The following PARD3 variants were observed in gnomAD, a reference collection of about 807,000 sequenced individuals.
PARD3 encodes the protein partitioning defective 3 homolog.
A neutral mutation model predicts 155.4 loss-of-function variants in PARD3; 75 were observed. That is an observed-to-expected ratio of 0.48 (90% CI 0.40 to 0.58). The LOEUF (loss-of-function observed/expected upper bound fraction) is 0.58, where lower values mean the gene tolerates loss of function less well. Ranked by LOEUF, PARD3 falls within the 20% of genes least tolerant of loss-of-function variation. The pLI, the probability that PARD3 is intolerant of heterozygous loss-of-function variation, is 0.00. For synonymous variants in PARD3, 576 were observed against 610.5 expected (o/e 0.94, Z 0.83); for missense variants, 1,642 against 1,721.7 (o/e 0.95, Z 0.82).
At chr10:34,757,138 T>C (rs1387550526) in intron 1 of PARD3, among the ~76,000 whole-genome samples, 1 of 152,228 alleles carries the variant, frequency 6.6e-6, no homozygotes, top group Non-Finnish European at 1.5e-5. Context: ...TTTCTTTACT[T>C]AGAGCCTTCA....
intron 14 of PARD3, among the ~76,000 whole-genome samples, chr10:34,356,528 T>C (rs1411757541): frequency 6.6e-6 from 1 of 152,236 alleles, no homozygotes; most frequent in African/African-American, 2.4e-5. Context: ...AAAGATGAGA[T>C]AGCAAAATAC....
intron 22 of PARD3, among the ~76,000 whole-genome samples, chr10:34,229,350 G>A (rs983926229): frequency 9.2e-5 from 14 of 152,146 alleles, no homozygotes; most frequent in African/African-American, 3.4e-4. Flanking sequence ...TCCTGAGTAA[G>A]CTGGGACTAC....
chr10:34,654,488 T>G (rs1246177800), intron 2 of PARD3, among the ~76,000 whole-genome samples: 1 of 152,228 alleles, frequency 6.6e-6, no homozygotes, highest in Non-Finnish European at 1.5e-5. Context: ...CCTGCCTTTC[T>G]ATGGAAAAAT....
intron 7 of PARD3, among the ~76,000 whole-genome samples, chr10:34,396,302 A>G (rs1375587219): frequency 2.0e-5 from 3 of 152,102 alleles, no homozygotes; most frequent in Non-Finnish European, 4.4e-5. Context: ...GTGAGCCAGG[A>G]TCTCCAGCCT....
chr10:34,196,225 C>T lies in PARD3; in HGVS notation c.3420-64642G>A, dbSNP rs150368252. On this transcript the variant is annotated intron_variant, in intron 22 of 24. Coordinates refer to ENST00000374788, the MANE Select transcript of PARD3 (RefSeq NM_001184785.2). ...TGTATTCCTGTGCTCTGCAGGGTTA[C>T]GTGGCGTACAATGACCACATCTCCA... Among the ~76,000 whole-genome samples, 411 of 152,232 alleles carry T rather than the reference C, an allele frequency of 2.7e-3. 1 individual carries two copies. Among genetic ancestry groups the T allele is most frequent in the African/African-American group, 9.0e-3 (375 of 41,536 alleles).
chr10:34,408,552 C>G (rs1281963011), intron 5 of PARD3, among the ~76,000 whole-genome samples: 1 of 152,056 alleles, frequency 6.6e-6, no homozygotes, highest in Non-Finnish European at 1.5e-5. Context: ...CTAGGTATCA[C>G]AAATAGGATT....
At chr10:34,769,548 G>GAGTCCGA (rs1350984500) in intron 1 of PARD3, among the ~76,000 whole-genome samples, 1 of 151,772 alleles carries the variant, frequency 6.6e-6, no homozygotes, top group Non-Finnish European at 1.5e-5. Context: ...TTGAGTCCAG[G>GAGTCCGA]AGTCCGACAC....
chr10:34,472,841 T>C (rs554842529), intron 3 of PARD3, among the ~76,000 whole-genome samples: 2 of 152,348 alleles, frequency 1.3e-5, no homozygotes, highest in Non-Finnish European at 2.9e-5. Flanking sequence ...TACTTGTGTT[T>C]GAAATTTTCC....
At chr10:34,253,548 G>C (rs1054011391) in intron 22 of PARD3, among the ~76,000 whole-genome samples, 1 of 152,194 alleles carries the variant, frequency 6.6e-6, no homozygotes, top group Admixed American at 6.5e-5. Flanking sequence ...AGGGTCTGCA[G>C]CATCTCTTCA....
chr10:34,272,618 C>A (rs548391098), intron 21 of PARD3, among the ~76,000 whole-genome samples: 9 of 152,130 alleles, frequency 5.9e-5, no homozygotes, highest in Admixed American at 5.9e-4. Context: ...TAATCCCAGC[C>A]ACCCAGCTGA....
chr10:34,341,778 C>T lies in PARD3; in HGVS notation c.2257G>A (p.Asp753Asn). The part of the protein sequence containing the change: ...QLSPTVNMPQ[D>N]DTVIIEDDRL... ...TCATCTTCTATAATGACAGTGTCATCTTGGGGCATATTCACTGTAGGGGAC... is the reference window on the plus strand; with the variant it reads ...TCATCTTCTATAATGACAGTGTCATTTTGGGGCATATTCACTGTAGGGGAC... Residue 753 changes from aspartate (D) to asparagine (N), a missense_variant, in exon 16 of 25, where the codon GAT becomes AAT. Transcript: ENST00000374788. 1 of 1,613,484 alleles carries T rather than the reference C, an allele frequency of 6.2e-7. No individual in the cohort carries two copies. The highest frequency in any genetic ancestry group is 1.1e-5 in the South Asian group (1 of 91,054).
At chr10:34,365,781 T>C (rs1839910537) in intron 12 of PARD3, among the ~76,000 whole-genome samples, 1 of 152,092 alleles carries the variant, frequency 6.6e-6, no homozygotes, top group Non-Finnish European at 1.5e-5. Context: ...AGAGACAGGG[T>C]TTCGCCATGT....
intron 1 of PARD3, among the ~76,000 whole-genome samples, chr10:34,747,434 TC>T (rs1835454862): frequency 6.6e-6 from 1 of 152,172 alleles, no homozygotes; most frequent in South Asian, 2.1e-4. Flanking sequence ...TTCTAAATGT[TC>T]AAAACATATT....
chr10:34,560,097 T>G (rs1198034617), intron 2 of PARD3, among the ~76,000 whole-genome samples: 1 of 152,196 alleles, frequency 6.6e-6, no homozygotes, highest in Non-Finnish European at 1.5e-5. Context: ...TTGAAAATAT[T>G]GGTAAATCTT....
intron 2 of PARD3, among the ~76,000 whole-genome samples, chr10:34,661,886 C>A (rs1268320590): frequency 6.6e-6 from 1 of 152,156 alleles, no homozygotes; most frequent in Non-Finnish European, 1.5e-5. Flanking sequence ...GATAAAGGTT[C>A]CCAATCATGG....
chr10:34,751,547 G>A (rs1380210761), intron 1 of PARD3, among the ~76,000 whole-genome samples: 1 of 152,134 alleles, frequency 6.6e-6, no homozygotes, highest in Non-Finnish European at 1.5e-5. Flanking sequence ...TATCAGCCCT[G>A]GGTCTGGGGG....
intron 22 of PARD3, among the ~76,000 whole-genome samples, chr10:34,187,402 CA>C (rs1169861920): frequency 6.6e-6 from 1 of 152,154 alleles, no homozygotes; most frequent in Admixed American, 6.5e-5. Context: ...ACAAGTACAA[CA>C]AAAACAGATG....
At chr10:34,245,309 T>C (rs11009690) in intron 22 of PARD3, among the ~76,000 whole-genome samples, 15,509 of 152,088 alleles carry the variant, frequency 0.1, 2,380 homozygotes, top group African/African-American at 0.33. Context: ...TGACGCAATA[T>C]GGGATGGGAA....
intron 2 of PARD3, among the ~76,000 whole-genome samples, chr10:34,685,431 A>G (rs1334259556): frequency 2.6e-5 from 4 of 152,186 alleles, no homozygotes; most frequent in Non-Finnish European, 5.9e-5. Flanking sequence ...CCTGATCAGC[A>G]AAAAACAGTA....
Sources: gnomAD v4.1 joint callset for allele counts (sites outside exome capture counted in the v4.1 genomes callset) on GRCh38, gnomAD v4.1.1 for gene constraint, MANE v1.5 for transcripts, NCBI Gene and HGNC (gene_info 2026-07-23, HGNC 2026-07-21) for gene names.